The following LRP1B variants were observed in gnomAD, a reference collection of about 807,000 sequenced individuals.
LRP1B encodes low-density lipoprotein receptor-related protein 1B.
In LRP1B, 217 loss-of-function variants were observed where a neutral mutation model predicts 556.6. The ratio of observed to expected loss-of-function variants is 0.39; its 90% CI spans 0.35 to 0.44. The LOEUF is 0.44. Among genes scored for constraint, LRP1B ranks in the 20% least tolerant of loss-of-function variants. The pLI, the probability that LRP1B is intolerant of heterozygous loss-of-function variation, is 1.00. For missense variants in LRP1B, 5,053 were observed against 5,620.8 expected (o/e 0.90, Z 3.23); for synonymous variants, 2,047 against 1,865.8 (o/e 1.10, Z -2.50).
chr2:140,246,775 A>T (rs762842631), intron 87 of LRP1B, among the ~76,000 whole-genome samples: 1 of 151,466 alleles, frequency 6.6e-6, no homozygotes, highest in Non-Finnish European at 1.5e-5. Context: ...TTTCACATCC[A>T]TTGTGATATC....
At chr2:142,032,976 C>A (rs920561502) in intron 1 of LRP1B, among the ~76,000 whole-genome samples, 1 of 151,824 alleles carries the variant, frequency 6.6e-6, no homozygotes, top group Non-Finnish European at 1.5e-5. Context: ...TCCCACAATA[C>A]CACTTGCCCA....
At chr2:140,919,714 T>A (rs1694681616) in intron 21 of LRP1B, among the ~76,000 whole-genome samples, 1 of 152,080 alleles carries the variant, frequency 6.6e-6, no homozygotes, top group African/African-American at 2.4e-5. Context: ...ACATATTTTT[T>A]GTTCATCAGG....
intron 2 of LRP1B, among the ~76,000 whole-genome samples, chr2:141,619,917 A>G (rs1688442499): frequency 6.6e-6 from 1 of 152,212 alleles, no homozygotes. Context: ...ATTGTCTGAC[A>G]TAATTATTTC....
intron 1 of LRP1B, among the ~76,000 whole-genome samples, chr2:141,978,260 C>G (rs751724416): frequency 3.3e-5 from 5 of 151,914 alleles, no homozygotes; most frequent in Non-Finnish European, 5.9e-5. Context: ...TTGCCAATTA[C>G]TAAAAAACCT....
chr2:141,114,158 C>T (rs1342139160), intron 7 of LRP1B, among the ~76,000 whole-genome samples: 4 of 152,234 alleles, frequency 2.6e-5, no homozygotes, highest in Non-Finnish European at 5.9e-5. Context: ...AGGGGGCACA[C>T]AGGCAGGCAG....
chr2:140,532,058 T>C (rs1401627349), intron 47 of LRP1B, among the ~76,000 whole-genome samples: 1 of 152,128 alleles, frequency 6.6e-6, no homozygotes, highest in East Asian at 1.9e-4. Context: ...TCAACATCTA[T>C]TACCTGAGTT....
At chr2:140,418,180 A>T (rs1558868504) in intron 66 of LRP1B, among the ~76,000 whole-genome samples, 1 of 152,164 alleles carries the variant, frequency 6.6e-6, no homozygotes, top group Non-Finnish European at 1.5e-5. Flanking sequence ...GCCAAACTGT[A>T]ATTACAGGAG....
chr2:140,905,228 C>T (rs1410514536), intron 22 of LRP1B, among the ~76,000 whole-genome samples: 1 of 152,036 alleles, frequency 6.6e-6, no homozygotes, highest in Non-Finnish European at 1.5e-5. Context: ...CACCGCCCCC[C>T]TCCCCAAGCC....
intron 27 of LRP1B, among the ~76,000 whole-genome samples, chr2:140,862,240 C>T (rs778506448): frequency 1.3e-5 from 2 of 151,950 alleles, no homozygotes; most frequent in Non-Finnish European, 2.9e-5. Flanking sequence ...TAATACTGGC[C>T]GGTGAGCAAC....
chr2:141,720,825 T>C (rs1692783729), intron 2 of LRP1B, among the ~76,000 whole-genome samples: 1 of 152,120 alleles, frequency 6.6e-6, no homozygotes, highest in Non-Finnish European at 1.5e-5. Context: ...ATACAAACAA[T>C]CCTTTCCCAC....
intron 7 of LRP1B, among the ~76,000 whole-genome samples, chr2:141,087,980 A>G (rs1414311364): frequency 6.6e-6 from 1 of 152,250 alleles, no homozygotes; most frequent in Non-Finnish European, 1.5e-5. Context: ...ATGAAATAAT[A>G]TGGAATAGAG....
intron 67 of LRP1B, among the ~76,000 whole-genome samples, chr2:140,379,867 A>G (rs1172275966): frequency 6.6e-6 from 1 of 152,188 alleles, no homozygotes; most frequent in Non-Finnish European, 1.5e-5. Context: ...AATGCCCTTA[A>G]GTGGATAATC....
At chr2:140,876,347 C>T (rs937285170) in intron 25 of LRP1B, among the ~76,000 whole-genome samples, 1 of 152,124 alleles carries the variant, frequency 6.6e-6, no homozygotes, top group Non-Finnish European at 1.5e-5. Context: ...TACCTGATTT[C>T]TACAGAATTT....
At position 140,730,793 on chromosome 2, in the gene LRP1B, G is replaced by A. The variant is rs190156902; in HGVS notation, c.5759-13977C>T. Among the ~76,000 whole-genome samples the A allele has an allele frequency of 4.4e-3, 670 of 152,184 alleles. 3 individuals carry two copies. Among genetic ancestry groups the A allele is most frequent in the African/African-American group, 0.015 (629 of 41,524 alleles). ...AGACTGGTCTCGAACTCCTGACCTC[G>A]TGATCCGCCTGCCTCGGCCTCCCAA... On this transcript the variant is annotated intron_variant, in intron 35 of 90. Transcript: ENST00000389484.
At chr2:142,128,869 A>T (rs1171459563) in intron 1 of LRP1B, among the ~76,000 whole-genome samples, 1 of 152,212 alleles carries the variant, frequency 6.6e-6, no homozygotes, top group African/African-American at 2.4e-5. Flanking sequence ...CTATCTCAGA[A>T]GAAAGTTGTG....
At chr2:141,419,792 G>T (rs1680070753) in intron 3 of LRP1B, among the ~76,000 whole-genome samples, 2 of 150,612 alleles carry the variant, frequency 1.3e-5, no homozygotes, top group African/African-American at 2.4e-5. Flanking sequence ...TACTACTTTG[G>T]GCTTAGTTTT....
At chr2:141,708,073 A>G (rs563234710) in intron 2 of LRP1B, among the ~76,000 whole-genome samples, 1 of 152,260 alleles carries the variant, frequency 6.6e-6, no homozygotes, top group African/African-American at 2.4e-5. Flanking sequence ...TAAGAAAATG[A>G]TGGGGAGTAA....
intron 35 of LRP1B, among the ~76,000 whole-genome samples, chr2:140,728,037 T>C (rs1360174209): frequency 4.6e-5 from 7 of 152,176 alleles, no homozygotes; most frequent in Non-Finnish European, 8.8e-5. Context: ...TCAGGTACAA[T>C]GTTATGAAAC....
intron 3 of LRP1B, among the ~76,000 whole-genome samples, chr2:141,437,674 T>C (rs1259993584): frequency 1.3e-5 from 2 of 151,930 alleles, no homozygotes; most frequent in African/African-American, 4.8e-5. Context: ...TCAAACTGCA[T>C]TGGTATTGAG....
Sources: allele counts gnomAD v4.1 joint callset (sites outside exome capture counted in the v4.1 genomes callset), GRCh38; gene constraint gnomAD v4.1.1; transcripts MANE v1.5; gene names NCBI Gene and HGNC (gene_info 2026-07-23, HGNC 2026-07-21).